AK7: variants seen among roughly 807,000 people sequenced by gnomAD.
AK7 encodes ATP-AMP transphosphorylase 7.
A neutral mutation model predicts 96.6 loss-of-function variants in AK7; 78 were observed. The observed-to-expected ratio is 0.81, with a 90% CI of 0.67 to 0.97. The LOEUF (loss-of-function observed/expected upper bound fraction) is 0.97. AK7 is among the 50% of genes least tolerant of loss of function. The pLI, the probability that AK7 is intolerant of heterozygous loss-of-function variation, is 0.00. For synonymous variants in AK7, 302 were observed against 317.2 expected, an observed-to-expected ratio of 0.95 and a Z score of 0.51; for missense variants, 855 against 887.9, an observed-to-expected ratio of 0.96 and a Z score of 0.47.
At chr14:96,402,455 C>G (rs908976066) in intron 2 of AK7, among the ~76,000 whole-genome samples, 1 of 152,216 alleles carries the variant, frequency 6.6e-6, no homozygotes, top group Non-Finnish European at 1.5e-5. Flanking sequence ...CCTGCTTTTA[C>G]AAGCTGGAAA....
chr14:96,403,041 G>T (rs1890506902), intron 2 of AK7, among the ~76,000 whole-genome samples: 1 of 151,836 alleles, frequency 6.6e-6, no homozygotes, highest in South Asian at 2.1e-4. Context: ...GCTTGAATCT[G>T]GGAGGTGGAG....
At chr14:96,444,716 CT>C (rs543549862) in intron 7 of AK7, among the ~76,000 whole-genome samples, 269 of 144,526 alleles carry the variant, frequency 1.9e-3, no homozygotes, top group South Asian at 0.016. Context: ...GTTATCTTTC[CT>C]TTTTTTTTTT....
chr14:96,449,225 C>T (rs1893432509), intron 8 of AK7, among the ~76,000 whole-genome samples: 1 of 152,140 alleles, frequency 6.6e-6, no homozygotes, highest in Non-Finnish European at 1.5e-5. Context: ...GGGACACAGA[C>T]ATTCAGACTA....
chr14:96,408,887 A>ATT lies in AK7; in HGVS notation c.446_447dup (p.Ile150LeufsTer7). ...TCAGCCACTTTGAAAAGCGAAAGCT[A>ATT]TTTATTTTACTGTCGACGGTGATGA... On this transcript the variant is annotated frameshift_variant, in exon 4 of 18. Coordinates refer to ENST00000267584, the MANE Select transcript of AK7 (RefSeq NM_152327.5). LOFTEE classifies it high-confidence loss of function. The ATT allele has an allele frequency of 1.2e-6, 2 of 1,614,230 alleles. No homozygotes were observed. Among genetic ancestry groups the ATT allele is most frequent in the Non-Finnish European group, 1.7e-6 (2 of 1,180,028 alleles).
At chr14:96,439,724 G>A (rs889359697) in intron 6 of AK7, among the ~76,000 whole-genome samples, 4 of 151,282 alleles carry the variant, frequency 2.6e-5, no homozygotes, top group South Asian at 2.1e-4. Context: ...AGATACTGCA[G>A]ATAATCAACT....
intron 4 of AK7, among the ~76,000 whole-genome samples, chr14:96,413,614 T>G (rs1214928401): frequency 6.6e-6 from 1 of 152,192 alleles, no homozygotes; most frequent in African/African-American, 2.4e-5. Context: ...GTGACGTGGT[T>G]TCCCTACACC....
chr14:96,392,795 T>C (rs1889833038), intron 1 of AK7, among the ~76,000 whole-genome samples: 1 of 152,104 alleles, frequency 6.6e-6, no homozygotes. Flanking sequence ...TCCGAGTAGC[T>C]GGGACTACAG....
At chr14:96,473,409 C>T (rs1895009095) in intron 14 of AK7, among the ~76,000 whole-genome samples, 1 of 151,616 alleles carries the variant, frequency 6.6e-6, no homozygotes, top group Non-Finnish European at 1.5e-5. Context: ...CCGACCCACC[C>T]GCCTTGGCCT....
In AK7 at chr14:96,398,104, G is replaced by A. The variant is rs140159462; in HGVS notation, c.135G>A (p.Ser45=). Residue 45 remains serine, a synonymous_variant, in exon 2 of 18, where the codon TCG becomes TCA. Coordinates refer to ENST00000267584, the MANE Select transcript of AK7 (RefSeq NM_152327.5). ...KFLSNCVVGA[S]LEEITEEEEE... ...TATCTAACTGTGTAGTTGGGGCTTC[G>A]CTTGAAGAAATTACAGAGGAAGAGG... 30 of 1,614,034 alleles carry A rather than the reference G, an allele frequency of 1.9e-5. No homozygotes were observed. Among genetic ancestry groups the A allele is most frequent in the African/African-American group, 1.5e-4 (11 of 75,028 alleles).
chr14:96,468,395 A>G (rs547374883), intron 12 of AK7, among the ~76,000 whole-genome samples: 3 of 143,606 alleles, frequency 2.1e-5, no homozygotes, highest in African/African-American at 7.8e-5. Context: ...ACCCAGGTTC[A>G]TGCCATTCTC....
At chr14:96,433,858 A>G (rs538340712) in intron 5 of AK7, among the ~76,000 whole-genome samples, 4 of 152,280 alleles carry the variant, frequency 2.6e-5, no homozygotes, top group Non-Finnish European at 4.4e-5. Context: ...ATTCTTCAGT[A>G]TGGCAATTGC....
At chr14:96,404,721 G>A (rs144999405) in intron 2 of AK7, 36 bp from the exon 3 acceptor site, 65 of 1,408,774 alleles carry the variant, frequency 4.6e-5, no homozygotes, top group African/African-American at 3.2e-4. Context: ...CCTTGTTAGC[G>A]TCTTGCTGCA....
intron 1 of AK7, among the ~76,000 whole-genome samples, chr14:96,395,913 G>A (rs111237503): frequency 0.058 from 8,562 of 146,828 alleles, 292 homozygotes; most frequent in South Asian, 0.11. Flanking sequence ...CTGGGTTCAG[G>A]CGATTCTCCT....
Position 96,409,477 on chromosome 14 carries a change from T to C in AK7, c.498+536T>C, listed in dbSNP as rs181323705. Among the ~76,000 whole-genome samples the C allele has an allele frequency of 1.5e-4, 23 of 152,080 alleles. No individual in the cohort carries two copies. The East Asian group carries it at 4.4e-3, about 29-fold the overall frequency. Reference sequence around the variant, plus strand: ...ATCCCAGCTACTTGGGAGGCTGAGGTAGGAGAATCCCTTGAATCCGGGAGG... The same window carrying C: ...ATCCCAGCTACTTGGGAGGCTGAGGCAGGAGAATCCCTTGAATCCGGGAGG... On this transcript the variant is annotated intron_variant, in intron 4 of 17. Transcript: ENST00000267584.
chr14:96,481,797 C>A (rs191885582), intron 15 of AK7, among the ~76,000 whole-genome samples: 1 of 150,674 alleles, frequency 6.6e-6, no homozygotes, highest in East Asian at 1.9e-4. Flanking sequence ...CTCTGCTTCC[C>A]GGGTTCAAGT....
intron 12 of AK7, among the ~76,000 whole-genome samples, chr14:96,460,425 CA>C (rs907831713): frequency 2.0e-5 from 3 of 152,114 alleles, no homozygotes; most frequent in Non-Finnish European, 4.4e-5. Context: ...GGATCAAGGA[CA>C]GGGGAGAAGG....
chr14:96,441,370 G>A (rs1892946623), intron 6 of AK7, among the ~76,000 whole-genome samples: 2 of 152,082 alleles, frequency 1.3e-5, no homozygotes, highest in South Asian at 4.1e-4. Flanking sequence ...CAGGCATGGT[G>A]GTTCACGCCA....
intron 4 of AK7, among the ~76,000 whole-genome samples, chr14:96,415,585 T>C (rs1019971602): frequency 6.6e-6 from 1 of 151,998 alleles, no homozygotes; most frequent in Non-Finnish European, 1.5e-5. Context: ...ACACTACTTA[T>C]GGGAGATGAT....
In AK7 at chr14:96,488,311, T is replaced by C. The variant is rs368070642; in HGVS notation, c.2140T>C (p.Tyr714His). Residue 714 changes from tyrosine (Y) to histidine (H), a missense_variant, in exon 18 of 18, where the codon TAT becomes CAT. By Grantham distance (83) the Tyr-to-His change is moderately conservative. Transcript: ENST00000267584. ...PEDPVDFLAE[Y>H]LFKNNPEAQ is the part of the protein sequence containing the mutation. ...GTCTTTTTTTAAATTGTAGGCAGAATATCTCTTCAAGAACAATCCTGAAGC... is the reference window on the plus strand; with the variant it reads ...GTCTTTTTTTAAATTGTAGGCAGAACATCTCTTCAAGAACAATCCTGAAGC... 1.2e-6 allele frequency: 2 copies of C among 1,611,870 alleles called. No individual in the cohort carries two copies. Among genetic ancestry groups the C allele is most frequent in the Non-Finnish European group, 1.7e-6 (2 of 1,178,366 alleles).
Sources: gnomAD v4.1 joint callset for allele counts (sites outside exome capture counted in the v4.1 genomes callset) on GRCh38, gnomAD v4.1.1 for gene constraint, MANE v1.5 for transcripts, NCBI Gene and HGNC (gene_info 2026-07-23, HGNC 2026-07-21) for gene names.